Variants in CRKL observed in about 807,000 individuals in gnomAD.
The protein encoded by CRKL is crk-like protein.
In CRKL, 3 loss-of-function variants were observed where a neutral mutation model predicts 23.0. The ratio of observed to expected loss-of-function variants is 0.13; its 90% CI spans 0.06 to 0.34. CRKL has a LOEUF of 0.34. CRKL is among the 10% of genes least tolerant of loss of function. The probability of loss-of-function intolerance (pLI) is 1.00; values close to 1 mark genes in which losing one functional copy is unlikely to be tolerated. For synonymous variants in CRKL, 188 were observed against 160.7 expected (o/e 1.17, Z -1.28); for missense variants, 256 against 394.5 (o/e 0.65, Z 2.97).
chr22:20,922,735 C>A, intron 1 of CRKL, among the ~76,000 whole-genome samples: 1 of 152,102 alleles, frequency 6.6e-6, no homozygotes, highest in East Asian at 1.9e-4. Context: ...AGTGAAGTGG[C>A]ATAATCTGGG....
intron 2 of CRKL, among the ~76,000 whole-genome samples, chr22:20,944,918 T>C (rs908534843): frequency 3.3e-5 from 3 of 90,242 alleles, no homozygotes; most frequent in African/African-American, 7.0e-5. Flanking sequence ...GGTTTTACCA[T>C]GTTGCCCAGC....
intron 2 of CRKL, among the ~76,000 whole-genome samples, chr22:20,944,139 CTTT>C (rs57177824): frequency 1.9e-5 from 2 of 105,854 alleles, no homozygotes; most frequent in Admixed American, 1.1e-4. Context: ...GTAGTATTAG[CTTT>C]TTTTTTTTTT....
Position 20,920,468 on chromosome 22 carries a change from C to T in CRKL, c.311+2223C>T, listed in dbSNP as rs1920979649. On this transcript the variant is annotated intron_variant, in intron 1 of 2. Transcript: ENST00000354336. Reference sequence around the variant, plus strand: ...AGTGAGCCGAGATCGCGCCACTGCACAGCCCGGGTGACAGAGTGAGACTCT... The same window carrying T: ...AGTGAGCCGAGATCGCGCCACTGCATAGCCCGGGTGACAGAGTGAGACTCT... 2.0e-5 allele frequency among the ~76,000 whole-genome samples: 3 copies of T among 150,944 alleles called. No homozygotes were observed. The East Asian group carries it at 5.8e-4, about 29-fold the overall frequency.
chr22:20,942,420 G>C (rs1167521786), intron 2 of CRKL, among the ~76,000 whole-genome samples: 2 of 152,266 alleles, frequency 1.3e-5, no homozygotes, highest in African/African-American at 4.8e-5. Flanking sequence ...CTTTAGGGCT[G>C]AATAATATTC....
chr22:20,920,643 T>C (rs1379316099), intron 1 of CRKL, among the ~76,000 whole-genome samples: 1 of 152,198 alleles, frequency 6.6e-6, no homozygotes, highest in African/African-American at 2.4e-5. Flanking sequence ...TGTAATTCTG[T>C]CTTTGCCCTC....
At chr22:20,929,924 G>C (rs1259364252) in intron 1 of CRKL, among the ~76,000 whole-genome samples, 1 of 152,216 alleles carries the variant, frequency 6.6e-6, no homozygotes, top group African/African-American at 2.4e-5. Context: ...GGAGCAACAT[G>C]TATTTATCTC....
Position 20,917,752 on chromosome 22 carries a change from G to T in CRKL, c.-183G>T. The T allele has an allele frequency of 1.6e-6, 1 of 625,616 alleles. No homozygotes were observed. The highest frequency in any genetic ancestry group is 2.7e-6 in the Non-Finnish European group (1 of 367,400). The allele number at this position is 625,616 out of a possible 1,614,324, so 38.8% of individuals were successfully genotyped here. ...CGTGTGGCGGCCCCGGAGCAGGCGG[G>T]CGGCGTCGGAGGATGCTGCGGGCCC... is the stretch of plus-strand genomic sequence containing the variant. On this transcript the variant is annotated 5_prime_UTR_variant, in exon 1 of 3. Coordinates refer to ENST00000354336, the MANE Select transcript of CRKL (RefSeq NM_005207.4).
At position 20,940,226 on chromosome 22, in the gene CRKL, T is replaced by TA. The variant is rs538055725; in HGVS notation, c.777+5983dup. Among the ~76,000 whole-genome samples, 161 of 152,228 alleles carry TA rather than the reference T, an allele frequency of 1.1e-3. 1 individual carries two copies. The highest frequency in any genetic ancestry group is 3.4e-3 in the Middle Eastern group (1 of 294). On this transcript the variant is annotated intron_variant, in intron 2 of 2. Transcript: ENST00000354336. ...ATGCAGCCTCTCCAGATCTGCCTCTTATATCTATAAAAAGACAGTGAGGTT... is the reference window on the plus strand; with the variant it reads ...ATGCAGCCTCTCCAGATCTGCCTCTTAATATCTATAAAAAGACAGTGAGGTT...
In CRKL at chr22:20,951,209, A is replaced by G. The variant is rs2147919939; in HGVS notation, c.*1364A>G. The stretch of plus-strand genomic sequence containing the variant: ...AGCCCAGACCTCCGTGCCCAGGCCC[A>G]ATCTCGTCAGGCTGCCAGAGAAAGT... On this transcript the variant is annotated 3_prime_UTR_variant, in exon 3 of 3. Transcript: ENST00000354336. 4.3e-6 allele frequency: 1 copy of G among 232,578 alleles called. No homozygotes were observed. The highest frequency in any genetic ancestry group is 6.1e-5 in the East Asian group (1 of 16,480). The allele number at this position is 232,578 out of a possible 1,614,324, so 14.4% of individuals were successfully genotyped here.
At chr22:20,942,288 T>A (rs551509431) in intron 2 of CRKL, among the ~76,000 whole-genome samples, 18 of 152,324 alleles carry the variant, frequency 1.2e-4, no homozygotes, top group South Asian at 4.1e-4. Flanking sequence ...GACTCACACC[T>A]GTAATCCCAG....
rs746762587 is a variant in CRKL at position 20,918,037 on chromosome 22, A to G, written c.103A>G (p.Met35Val). 3.1e-6 allele frequency: 5 copies of G among 1,614,138 alleles called. No homozygotes were observed. Among genetic ancestry groups the G allele is most frequent in the Non-Finnish European group, 3.4e-6 (4 of 1,180,026 alleles). Residue 35 changes from methionine (M) to valine (V), a missense_variant, in exon 1 of 3, where the codon ATG (methionine) becomes GTG (valine). Transcript: ENST00000354336. ...CCGGCTCCAGGGCCAGCGCCACGGT[A>G]TGTTCCTCGTCCGCGATTCTTCCAC... ...QTRLQGQRHGMFLVRDSSTCP... is the reference protein window; with the variant it reads ...QTRLQGQRHGVFLVRDSSTCP...
At chr22:20,949,645 A>G (rs1922194032) in intron 2 of CRKL, 66 bp from the exon 3 acceptor site, 2 of 1,593,938 alleles carry the variant, frequency 1.3e-6, no homozygotes, top group Non-Finnish European at 1.7e-6. Context: ...AGTGTTTGTG[A>G]TTTAATGTAA....
chr22:20,927,985 A>G (rs1235228961), intron 1 of CRKL, among the ~76,000 whole-genome samples: 1 of 151,464 alleles, frequency 6.6e-6, no homozygotes, highest in African/African-American at 2.4e-5. Context: ...AGCATGTGAA[A>G]CCCATCTCTG....
In CRKL at chr22:20,952,675, G is replaced by C. The variant is rs1274593661; in HGVS notation, c.*2830G>C. ...GGTGTTCATAACTGCTACTTGCTCT[G>C]CTCTACCATGTTTAAAGAAATATTT... On this transcript the variant is annotated 3_prime_UTR_variant, in exon 3 of 3. Transcript: ENST00000354336. 2.6e-5 allele frequency: 6 copies of C among 231,898 alleles called. No individual in the cohort carries two copies. Among genetic ancestry groups the C allele is most frequent in the Non-Finnish European group, 4.3e-5 (5 of 117,298 alleles). 14.4% of individuals were successfully genotyped at this position (231,898 alleles called of 1,614,324 possible). A position where few individuals can be genotyped will look rare whatever the true frequency, so the allele number is the denominator to read the frequency against.
chr22:20,930,077 TACTA>T (rs1921382703), intron 1 of CRKL, among the ~76,000 whole-genome samples: 1 of 152,162 alleles, frequency 6.6e-6, no homozygotes, highest in Non-Finnish European at 1.5e-5. Flanking sequence ...TCTCTGCAGA[TACTA>T]ACACAGAAAA....
chr22:20,941,754 G>A (rs963505611), intron 2 of CRKL, among the ~76,000 whole-genome samples: 7 of 150,732 alleles, frequency 4.6e-5, no homozygotes, highest in African/African-American at 7.3e-5. Flanking sequence ...CCACCAGGCC[G>A]GGCTAGTTTT....
At chr22:20,948,046 G>A (rs1922133424) in intron 2 of CRKL, among the ~76,000 whole-genome samples, 1 of 151,996 alleles carries the variant, frequency 6.6e-6, no homozygotes, top group African/African-American at 2.4e-5. Flanking sequence ...CCACTCAAAA[G>A]ACAGAAGTTT....
chr22:20,941,133 C>G (rs1463163308), intron 2 of CRKL, among the ~76,000 whole-genome samples: 1 of 152,066 alleles, frequency 6.6e-6, no homozygotes, highest in East Asian at 1.9e-4. Flanking sequence ...AATGGGGCTT[C>G]TGTCCCTCAC....
In CRKL at chr22:20,917,694, C is replaced by G; in HGVS notation, c.-241C>G. 1 of 538,868 alleles carries G rather than the reference C, an allele frequency of 1.9e-6. No homozygotes were observed. Among genetic ancestry groups the G allele is most frequent in the Non-Finnish European group, 3.2e-6 (1 of 308,570 alleles). The allele number at this position is 538,868 out of a possible 1,614,324, so 33.4% of individuals were successfully genotyped here. A position where few individuals can be genotyped will look rare whatever the true frequency, so the allele number is the denominator to read the frequency against. On this transcript the variant is annotated 5_prime_UTR_variant, in exon 1 of 3. Coordinates refer to ENST00000354336, the MANE Select transcript of CRKL (RefSeq NM_005207.4). ...CTCGGGTTTGCCTGCCCCGACCCCC[C>G]GGCTCTGCCGTGCATTCCCGGGCGG...
Sources: gnomAD v4.1 joint callset for allele counts (sites outside exome capture counted in the v4.1 genomes callset) on GRCh38, gnomAD v4.1.1 for gene constraint, MANE v1.5 for transcripts, NCBI Gene and HGNC (gene_info 2026-07-23, HGNC 2026-07-21) for gene names.